The following FBXW11 variants were observed in gnomAD, a reference collection of about 807,000 sequenced individuals.
FBXW11 encodes F-box and WD repeat domain containing 11.
In FBXW11, 19 loss-of-function variants were observed where a neutral mutation model predicts 77.6. The ratio of observed to expected loss-of-function variants is 0.24; its 90% CI spans 0.17 to 0.36. The LOEUF is 0.36. Among genes scored for constraint, FBXW11 ranks in the 10% least tolerant of loss-of-function variants. FBXW11 has a pLI of 1.00. For missense variants in FBXW11, 334 were observed against 704.2 expected, an observed-to-expected ratio of 0.47 and a Z score of 5.95; for synonymous variants, 235 against 249.4, an observed-to-expected ratio of 0.94 and a Z score of 0.54.
At chr5:171,930,538 G>C (rs975898059) in intron 2 of FBXW11, among the ~76,000 whole-genome samples, 2 of 152,128 alleles carry the variant, frequency 1.3e-5, no homozygotes, top group East Asian at 1.9e-4. Context: ...GAATTGTTAA[G>C]AGTCATCACC....
intron 1 of FBXW11, among the ~76,000 whole-genome samples, chr5:171,973,781 G>A (rs1012031553): frequency 6.6e-6 from 1 of 152,130 alleles, no homozygotes; most frequent in Non-Finnish European, 1.5e-5. Context: ...GGGGGATTGA[G>A]AATTCTGTAC....
chr5:171,941,222 T>C (rs981277718), intron 2 of FBXW11, among the ~76,000 whole-genome samples: 2 of 152,200 alleles, frequency 1.3e-5, no homozygotes, highest in Non-Finnish European at 2.9e-5. Context: ...ATGTACTACC[T>C]GAGAGGATGC....
intron 4 of FBXW11, among the ~76,000 whole-genome samples, chr5:171,901,201 T>C (rs879528806): frequency 6.6e-6 from 1 of 152,160 alleles, no homozygotes; most frequent in Non-Finnish European, 1.5e-5. Context: ...CAGAATCAAA[T>C]TCAACAGTTT....
chr5:172,002,751 G>A (rs892758865), intron 1 of FBXW11, among the ~76,000 whole-genome samples: 1 of 131,524 alleles, frequency 7.6e-6, no homozygotes, highest in African/African-American at 3.0e-5. Context: ...AGGCTGGAGT[G>A]CAGTGGCACA....
Position 171,904,232 on chromosome 5 carries a change from T to G in FBXW11, c.437-4132A>C, listed in dbSNP as rs1177417180. Among the ~76,000 whole-genome samples, 1 of 152,094 alleles carries G rather than the reference T, an allele frequency of 6.6e-6. No homozygotes were observed. The highest frequency in any genetic ancestry group is 1.5e-5 in the Non-Finnish European group (1 of 68,020). Reference sequence around the variant, plus strand: ...ACCACTTGAACCTAGGAGGTGGCGGTTGCAGTAAGTGGAGATCATGCCACT... The same window carrying G: ...ACCACTTGAACCTAGGAGGTGGCGGGTGCAGTAAGTGGAGATCATGCCACT... On this transcript the variant is annotated intron_variant, in intron 4 of 13. Coordinates refer to ENST00000517395, the MANE Select transcript of FBXW11 (RefSeq NM_001378974.1). This position sits in a 1 kb window ranked among gnomAD's most constrained non-coding sequence, Gnocchi z 4.0.
At chr5:171,982,844 A>C (rs1198301531) in intron 1 of FBXW11, among the ~76,000 whole-genome samples, 1 of 152,034 alleles carries the variant, frequency 6.6e-6, no homozygotes, top group African/African-American at 2.4e-5. Flanking sequence ...AATCTTTAAG[A>C]TCCTCTGCAG....
chr5:171,883,527 T>TA (rs780082546), intron 7 of FBXW11, among the ~76,000 whole-genome samples: 13 of 151,980 alleles, frequency 8.6e-5, no homozygotes, highest in East Asian at 3.9e-4. Context: ...TAAAGTATAA[T>TA]AAAAAAAATA....
At chr5:171,967,997 C>A (rs1176681260) in intron 1 of FBXW11, among the ~76,000 whole-genome samples, 3 of 151,462 alleles carry the variant, frequency 2.0e-5, no homozygotes. Flanking sequence ...TGAGGCCATA[C>A]AATTGACAGC....
rs769388534 is a variant in FBXW11, at chr5:171,878,003, T to C, written c.971+8A>G. The C allele has an allele frequency of 1.9e-6, 3 of 1,597,574 alleles. No homozygotes were observed. The highest frequency in any genetic ancestry group is 2.2e-5 in the South Asian group (2 of 90,558). The stretch of plus-strand genomic sequence containing the variant: ...ACAAGTTAAGAACAATGAAGCCAGA[T>C]CACTCACCTCACCGTAGAATCTGAA... On this transcript the variant is annotated splice_region_variant and intron_variant, in intron 8 of 13. Transcript: ENST00000517395.
At chr5:171,926,369 A>C (rs992607500) in intron 2 of FBXW11, among the ~76,000 whole-genome samples, 3 of 152,360 alleles carry the variant, frequency 2.0e-5, no homozygotes, top group Middle Eastern at 3.4e-3. Flanking sequence ...GCACCCAAGC[A>C]GGGCTCTGAC....
chr5:171,979,584 T>C (rs1371943141), intron 1 of FBXW11, among the ~76,000 whole-genome samples: 1 of 152,188 alleles, frequency 6.6e-6, no homozygotes, highest in African/African-American at 2.4e-5. Context: ...TTTTAATATA[T>C]GTGTAAATAA....
At position 171,937,995 on chromosome 5, in the gene FBXW11, C is replaced by A. The variant is rs180921064; in HGVS notation, c.147+19602G>T. 2.2e-3 allele frequency among the ~76,000 whole-genome samples: 339 copies of A among 152,200 alleles called. 2 individuals are homozygous for A. Among genetic ancestry groups the A allele is most frequent in the African/African-American group, 8.1e-3 (337 of 41,514 alleles). ...AAAGAACTAATATCCCTAAAAATTT[C>A]TTTAAATTGAGGGAAGTAAAAAAAA... is the stretch of plus-strand genomic sequence containing the variant. On this transcript the variant is annotated intron_variant, in intron 2 of 13. Coordinates refer to ENST00000517395, the MANE Select transcript of FBXW11 (RefSeq NM_001378974.1).
chr5:171,944,098 T>C (rs1468075222), intron 2 of FBXW11, among the ~76,000 whole-genome samples: 1 of 152,106 alleles, frequency 6.6e-6, no homozygotes, highest in Non-Finnish European at 1.5e-5. Flanking sequence ...TGACAAGTTA[T>C]GGAAAGTTCA....
Position 171,902,492 on chromosome 5 carries a change from A to G in FBXW11, c.437-2392T>C, listed in dbSNP as rs147970703. 8.1e-4 allele frequency among the ~76,000 whole-genome samples: 124 copies of G among 152,344 alleles called. 1 individual carries two copies. The East Asian group carries it at 0.02, about 25-fold the overall frequency. ...TACATCCTTCTAGGTTTACACAACCATACACAATCTTTTCAGAGGCTGATT... is the reference window on the plus strand; with the variant it reads ...TACATCCTTCTAGGTTTACACAACCGTACACAATCTTTTCAGAGGCTGATT... On this transcript the variant is annotated intron_variant, in intron 4 of 13. Transcript: ENST00000517395.
intron 1 of FBXW11, among the ~76,000 whole-genome samples, chr5:171,967,645 G>A (rs1042478273): frequency 1.3e-5 from 2 of 151,720 alleles, no homozygotes; most frequent in Non-Finnish European, 2.9e-5. Flanking sequence ...TTCCAGACTA[G>A]CCTGACCAAC....
intron 1 of FBXW11, among the ~76,000 whole-genome samples, chr5:171,987,804 C>G (rs776359753): frequency 6.6e-6 from 1 of 152,120 alleles, no homozygotes; most frequent in African/African-American, 2.4e-5. Flanking sequence ...TTTTCTAACT[C>G]CTACAACACT....
chr5:171,869,810 A>G lies in FBXW11; in HGVS notation c.1452-3T>C. On this transcript the variant is annotated splice_region_variant and splice_polypyrimidine_tract_variant and intron_variant, in intron 11 of 13. Coordinates refer to ENST00000517395, the MANE Select transcript of FBXW11 (RefSeq NM_001378974.1). This position sits in a 1 kb window ranked among gnomAD's most constrained non-coding sequence, Gnocchi z 4.1. Reference sequence around the variant, plus strand: ...GCAAGTCCCAAACTTTAATTTTCCTAGAAAGGAAAATGAGATGTGATTAGT... The same window carrying G: ...GCAAGTCCCAAACTTTAATTTTCCTGGAAAGGAAAATGAGATGTGATTAGT... The G allele has an allele frequency of 6.3e-7, 1 of 1,599,428 alleles. No individual in the cohort carries two copies. Among genetic ancestry groups the G allele is most frequent in the Non-Finnish European group, 8.5e-7 (1 of 1,170,958 alleles).
intron 1 of FBXW11, among the ~76,000 whole-genome samples, chr5:171,982,444 T>C (rs563857532): frequency 6.6e-6 from 1 of 152,292 alleles, no homozygotes; most frequent in African/African-American, 2.4e-5. Context: ...CCAGCTAATT[T>C]TGTATTTTTA....
intron 2 of FBXW11, among the ~76,000 whole-genome samples, chr5:171,915,613 CTGTGTGTGTGTGTGTG>C (rs200618306): frequency 7.7e-6 from 1 of 129,524 alleles, no homozygotes; most frequent in African/African-American, 2.7e-5. Flanking sequence ...GTCACTCATT[CTGTGTGTGTGTGTGTG>C]TGTGTGTGTG....
Sources: gnomAD v4.1 joint callset for allele counts (sites outside exome capture counted in the v4.1 genomes callset) on GRCh38, gnomAD v4.1.1 for gene constraint, Gnocchi (gnomAD v3.1) non-coding constraint, MANE v1.5 for transcripts, NCBI Gene and HGNC (gene_info 2026-07-23, HGNC 2026-07-21) for gene names.